MTSS1: variants seen among roughly 807,000 people sequenced by gnomAD.
The protein encoded by MTSS1 is MTSS I-BAR domain containing 1, also known as protein MTSS 1.
A neutral mutation model predicts 79.0 loss-of-function variants in MTSS1; 18 were observed. The ratio of observed to expected loss-of-function variants is 0.23; its 90% CI spans 0.16 to 0.34. The LOEUF (loss-of-function observed/expected upper bound fraction) is 0.34. Among genes scored for constraint, MTSS1 ranks in the 10% least tolerant of loss-of-function variants. The pLI is 1.00. For missense variants in MTSS1, 815 were observed against 986.2 expected, an observed-to-expected ratio of 0.83 and a Z score of 2.33; for synonymous variants, 341 against 368.6, an observed-to-expected ratio of 0.93 and a Z score of 0.86.
intron 3 of MTSS1, among the ~76,000 whole-genome samples, chr8:124,602,194 T>TATATATACATATATATATATATAC (rs1554665925): frequency 7.1e-6 from 1 of 141,838 alleles, no homozygotes; most frequent in African/African-American, 2.8e-5. Flanking sequence ...TATACATATA[T>TATATATACATATATATATATATAC]ATATATATAT....
chr8:124,665,334 C>A lies in MTSS1; in HGVS notation c.208+34192G>T, dbSNP rs573869561. ...TCTTCGATTCATTCCGTGGGCACTGCCTTCTCTCCTTTTTCCATCTCCGCA... is the reference window on the plus strand; with the variant it reads ...TCTTCGATTCATTCCGTGGGCACTGACTTCTCTCCTTTTTCCATCTCCGCA... On this transcript the variant is annotated intron_variant, in intron 3 of 13. Coordinates refer to ENST00000518547, the MANE Select transcript of MTSS1 (RefSeq NM_014751.6). Among the ~76,000 whole-genome samples, 50 of 152,284 alleles carry A rather than the reference C, an allele frequency of 3.3e-4. 1 individual carries two copies. The South Asian group carries it at 0.01, about 31-fold the overall frequency.
chr8:124,622,766 CTGGG>C (rs2133592616), intron 3 of MTSS1, among the ~76,000 whole-genome samples: 1 of 144,410 alleles, frequency 6.9e-6, no homozygotes, highest in East Asian at 2.1e-4. Flanking sequence ...GCACTCTAGC[CTGGG>C]CGGCAGAGCA....
intron 3 of MTSS1, among the ~76,000 whole-genome samples, chr8:124,628,007 A>C (rs746175974): frequency 6.6e-6 from 1 of 152,180 alleles, no homozygotes; most frequent in Non-Finnish European, 1.5e-5. Context: ...TCTCTACTAA[A>C]AATACAAAAG....
chr8:124,641,464 A>T (rs1193956153), intron 3 of MTSS1, among the ~76,000 whole-genome samples: 1 of 152,236 alleles, frequency 6.6e-6, no homozygotes, highest in African/African-American at 2.4e-5. Context: ...TTAAAACAAG[A>T]TTCCTTGTGC....
chr8:124,727,987 C>G lies in MTSS1; in HGVS notation c.-32G>C. On this transcript the variant is annotated 5_prime_UTR_variant, in exon 1 of 14. Coordinates refer to ENST00000518547, the MANE Select transcript of MTSS1 (RefSeq NM_014751.6). The surrounding 1 kb of genome is among the most constrained non-coding windows in gnomAD (Gnocchi z 4.7). ...GGCTCCGGCAGGGCGAGGGCACACA[C>G]GCGGGGCCGCTGGACTGCGCGCGGG... 2 of 1,598,608 alleles carry G rather than the reference C, an allele frequency of 1.3e-6. No homozygotes were observed. The highest frequency in any genetic ancestry group is 2.3e-5 in the East Asian group (1 of 43,580).
chr8:124,617,708 G>C (rs908338124), intron 3 of MTSS1, among the ~76,000 whole-genome samples: 4 of 152,130 alleles, frequency 2.6e-5, no homozygotes, highest in African/African-American at 9.7e-5. Flanking sequence ...CTCAAAATCA[G>C]AGTGGACCTG....
intron 5 of MTSS1, among the ~76,000 whole-genome samples, chr8:124,587,716 GC>G (rs1831118910): frequency 6.6e-6 from 1 of 152,170 alleles, no homozygotes; most frequent in South Asian, 2.1e-4. Context: ...TGTTGGCCAG[GC>G]TGGTCTTGAA....
Position 124,562,834 on chromosome 8 carries a change from T to C in MTSS1, c.983A>G (p.Asp328Gly), listed in dbSNP as rs1360522562. ...GGATGGTGACTTGGACTGGAAGGCA[T>C]CCTGGGATATGAATCCTGAGTCATG... ...SSHDSGFISQDAFQSKSPSPM... is the reference protein window; with the variant it reads ...SSHDSGFISQGAFQSKSPSPM... The change falls in exon 10 of 14, where the codon GAT (aspartate) becomes GGT (glycine). Residue 328 changes from aspartate (D) to glycine (G), a missense_variant. Physicochemically the swap from Asp to Gly is moderately conservative, Grantham distance 94. Coordinates refer to ENST00000518547, the MANE Select transcript of MTSS1 (RefSeq NM_014751.6). 2 of 1,614,000 alleles carry C rather than the reference T, an allele frequency of 1.2e-6. No individual in the cohort carries two copies. Among genetic ancestry groups the C allele is most frequent in the Admixed American group, 3.3e-5 (2 of 60,000 alleles).
chr8:124,626,282 A>G (rs1587394981), intron 3 of MTSS1, among the ~76,000 whole-genome samples: 1 of 152,184 alleles, frequency 6.6e-6, no homozygotes, highest in East Asian at 1.9e-4. Flanking sequence ...CATTCTACAC[A>G]CAAAGCACTG....
rs533669502 is a variant in MTSS1 at position 124,582,581 on chromosome 8, G to A, written c.460+2506C>T. 1.3e-5 allele frequency among the ~76,000 whole-genome samples: 2 copies of A among 152,024 alleles called. No individual in the cohort carries two copies. Among genetic ancestry groups the A allele is most frequent in the Non-Finnish European group, 2.9e-5 (2 of 68,014 alleles). On this transcript the variant is annotated intron_variant, in intron 6 of 13. Transcript: ENST00000518547. This position sits in a 1 kb window ranked among gnomAD's most constrained non-coding sequence, Gnocchi z 4.8. ...CTCCTGGAAACATATTAAAAAGGAA[G>A]TGATTATCTGGCTGCATACATCAGA...
At chr8:124,698,868 T>A (rs1829290205) in intron 3 of MTSS1, among the ~76,000 whole-genome samples, 1 of 152,206 alleles carries the variant, frequency 6.6e-6, no homozygotes, top group African/African-American at 2.4e-5. Context: ...GGGTATTCAT[T>A]TTCTTTTTAT....
At chr8:124,707,893 G>C (rs1830625526) in intron 1 of MTSS1, among the ~76,000 whole-genome samples, 1 of 152,098 alleles carries the variant, frequency 6.6e-6, no homozygotes, top group East Asian at 1.9e-4. Context: ...CAAAGCCAAA[G>C]GAAAAGGTGA....
chr8:124,641,434 C>A (rs143268712), intron 3 of MTSS1, among the ~76,000 whole-genome samples: 3 of 152,338 alleles, frequency 2.0e-5, no homozygotes, highest in African/African-American at 7.2e-5. Context: ...AGCCTCAATT[C>A]CTTTGTTTGA....
intron 1 of MTSS1, among the ~76,000 whole-genome samples, chr8:124,710,756 C>G (rs1457454941): frequency 1.3e-5 from 2 of 152,192 alleles, no homozygotes; most frequent in Non-Finnish European, 2.9e-5. Context: ...CTCTCCCAGC[C>G]CAGCGCCACT....
intron 3 of MTSS1, among the ~76,000 whole-genome samples, chr8:124,664,448 A>C (rs531006036): frequency 6.6e-6 from 1 of 152,198 alleles, no homozygotes; most frequent in South Asian, 2.1e-4. Context: ...TTCAGGTTGC[A>C]AAATGTCTCT....
chr8:124,704,591 G>T (rs1830146626), intron 1 of MTSS1, among the ~76,000 whole-genome samples: 1 of 152,196 alleles, frequency 6.6e-6, no homozygotes, highest in African/African-American at 2.4e-5. Context: ...AGTGACTGGG[G>T]CTCTTCCCCA....
intron 3 of MTSS1, among the ~76,000 whole-genome samples, chr8:124,666,828 G>A (rs964757789): frequency 2.6e-5 from 4 of 152,112 alleles, no homozygotes; most frequent in African/African-American, 9.7e-5. Context: ...GGGTCCTGGG[G>A]AGTTTTCAAA....
chr8:124,625,000 C>T (rs933858261), intron 3 of MTSS1, among the ~76,000 whole-genome samples: 1 of 152,188 alleles, frequency 6.6e-6, no homozygotes, highest in Non-Finnish European at 1.5e-5. Context: ...ACAACACGTG[C>T]CCCAAATCTG....
intron 3 of MTSS1, among the ~76,000 whole-genome samples, chr8:124,636,334 T>C (rs1297440991): frequency 2.0e-5 from 3 of 152,244 alleles, no homozygotes; most frequent in Non-Finnish European, 4.4e-5. Flanking sequence ...TTTCACCATG[T>C]TGGCCAGGCT....
Sources: gnomAD v4.1 joint callset for allele counts (sites outside exome capture counted in the v4.1 genomes callset) on GRCh38, gnomAD v4.1.1 for gene constraint, Gnocchi (gnomAD v3.1) non-coding constraint, MANE v1.5 for transcripts, NCBI Gene and HGNC (gene_info 2026-07-23, HGNC 2026-07-21) for gene names.